Variants in DCUN1D4 observed in about 807,000 individuals in gnomAD.
DCUN1D4 encodes the protein defective in cullin neddylation 1 domain containing 4, also known as DCN1-like protein 4.
In DCUN1D4, 22 loss-of-function variants were observed where a neutral mutation model predicts 47.9. The observed-to-expected ratio is 0.46, with a 90% CI of 0.33 to 0.66. The LOEUF (loss-of-function observed/expected upper bound fraction) is 0.66. DCUN1D4 is among the 30% of genes least tolerant of loss of function. DCUN1D4 has a pLI of 0.02. For missense variants in DCUN1D4, 301 were observed against 340.8 expected (o/e 0.88, Z 0.92); for synonymous variants, 121 against 112.2 (o/e 1.08, Z -0.50).
chr4:51,844,966 A>G, intron 1 of DCUN1D4: 1 of 985,384 alleles, frequency 1.0e-6, no homozygotes, highest in Non-Finnish European at 1.2e-6. Flanking sequence ...GCGACTCCCC[A>G]GCCCTTCTCC....
chr4:51,863,222 T>A (rs1170579355), intron 1 of DCUN1D4, among the ~76,000 whole-genome samples: 1 of 152,198 alleles, frequency 6.6e-6, no homozygotes, highest in Non-Finnish European at 1.5e-5. Context: ...AGAATTCACA[T>A]GAAAATTTCA....
At chr4:51,888,873 G>A (rs1394079776) in intron 6 of DCUN1D4, among the ~76,000 whole-genome samples, 2 of 152,120 alleles carry the variant, frequency 1.3e-5, no homozygotes, top group South Asian at 4.1e-4. Flanking sequence ...TTGAGAGGCC[G>A]AGGTGGGTGG....
chr4:51,883,465 CAAAG>C (rs1729003267), intron 5 of DCUN1D4, among the ~76,000 whole-genome samples: 1 of 152,070 alleles, frequency 6.6e-6, no homozygotes, highest in African/African-American at 2.4e-5. Flanking sequence ...ACTCTCAAAC[CAAAG>C]AAAGCAGGCA....
upstream of DCUN1D4, among the ~76,000 whole-genome samples, chr4:51,840,157 A>T (rs1304005028): frequency 2.0e-5 from 3 of 152,042 alleles, no homozygotes; most frequent in East Asian, 1.9e-4. Flanking sequence ...TCAATTATTA[A>T]TTTTTTTCTC....
intron 3 of DCUN1D4, among the ~76,000 whole-genome samples, chr4:51,871,174 C>T (rs2109959635): frequency 6.8e-6 from 1 of 146,638 alleles, no homozygotes; most frequent in East Asian, 2.0e-4. Flanking sequence ...AGGAGATAAA[C>T]ATTTTAATAA....
intron 1 of DCUN1D4, among the ~76,000 whole-genome samples, chr4:51,861,086 T>C (rs1267620506): frequency 6.6e-6 from 1 of 152,196 alleles, no homozygotes; most frequent in Non-Finnish European, 1.5e-5. Context: ...CTAGACATTG[T>C]AATAGGTGTC....
intron 8 of DCUN1D4, among the ~76,000 whole-genome samples, chr4:51,905,704 C>T (rs1406932768): frequency 6.6e-6 from 1 of 152,058 alleles, no homozygotes. Flanking sequence ...TGGAGACAAG[C>T]TTGCTGGTTC....
At position 51,892,677 on chromosome 4, in the gene DCUN1D4, A is replaced by G. The variant is rs1487267511; in HGVS notation, c.506+826A>G. On this transcript the variant is annotated intron_variant, in intron 7 of 10. Transcript: ENST00000334635. ...GTGTATGCAATATGTGCGTGTGTGC[A>G]TGCGCCTGTGTGTTGTGTATTTGCT... Among the ~76,000 whole-genome samples the G allele has an allele frequency of 2.0e-5, 3 of 152,352 alleles. No homozygotes were observed. In the East Asian group the frequency reaches 5.8e-4, roughly 29 times the overall value.
At chr4:51,882,877 T>TCC (rs374734268) in intron 5 of DCUN1D4, among the ~76,000 whole-genome samples, 8 of 151,396 alleles carry the variant, frequency 5.3e-5, no homozygotes, top group African/African-American at 1.7e-4. Flanking sequence ...AAAGTAACTT[T>TCC]CCCCCCCGGC....
chr4:51,843,336 A>T, intron 1 of DCUN1D4, 69 bp downstream of exon 1: 1 of 1,468,006 alleles, frequency 6.8e-7, no homozygotes, highest in Non-Finnish European at 9.0e-7. Flanking sequence ...CGGCTCCCGC[A>T]GTCCCCGCCC....
intron 5 of DCUN1D4, among the ~76,000 whole-genome samples, chr4:51,882,353 C>A (rs1192808969): frequency 1.3e-5 from 2 of 152,116 alleles, no homozygotes; most frequent in East Asian, 3.9e-4. Flanking sequence ...TTATGGTGAA[C>A]ATTGACAGAA....
chr4:51,904,819 CTACTAGA>C (rs1732634452), intron 8 of DCUN1D4, among the ~76,000 whole-genome samples: 2 of 152,134 alleles, frequency 1.3e-5, no homozygotes, highest in African/African-American at 4.8e-5. Flanking sequence ...CTGTTTTTTC[CTACTAGA>C]AAAGTGGACT....
intron 1 of DCUN1D4, among the ~76,000 whole-genome samples, chr4:51,856,410 T>G (rs1724143931): frequency 1.3e-5 from 2 of 152,332 alleles, no homozygotes; most frequent in South Asian, 4.1e-4. Context: ...TACCATTATT[T>G]CCCTGGGGGA....
intron 8 of DCUN1D4, among the ~76,000 whole-genome samples, chr4:51,901,382 C>A (rs1475219094): frequency 3.9e-5 from 6 of 152,220 alleles, no homozygotes; most frequent in Admixed American, 3.9e-4. Context: ...CCTAGGCCTT[C>A]TGTCTCCAAG....
At chr4:51,848,430 T>C in intron 1 of DCUN1D4, 1 of 1,021,396 alleles carries the variant, frequency 9.8e-7, no homozygotes, top group South Asian at 3.1e-5. Context: ...ATATCCATAT[T>C]CTGGTCCTAA....
intron 1 of DCUN1D4, among the ~76,000 whole-genome samples, chr4:51,848,009 A>G (rs1031864569): frequency 1.3e-5 from 2 of 152,186 alleles, no homozygotes; most frequent in Non-Finnish European, 2.9e-5. Flanking sequence ...CCAAATATGT[A>G]TTGAATTGAA....
chr4:51,894,591 T>A (rs1472046611), intron 7 of DCUN1D4, among the ~76,000 whole-genome samples: 1 of 152,144 alleles, frequency 6.6e-6, no homozygotes, highest in Non-Finnish European at 1.5e-5. Context: ...AGTAACTAAA[T>A]AAGCATTGTA....
chr4:51,873,461 C>G (rs1445582372), intron 3 of DCUN1D4, among the ~76,000 whole-genome samples: 1 of 152,194 alleles, frequency 6.6e-6, no homozygotes, highest in Non-Finnish European at 1.5e-5. Context: ...TGCCCAGATT[C>G]GAATCCTGGC....
At chr4:51,847,480 T>C (rs1722729172) in intron 1 of DCUN1D4, among the ~76,000 whole-genome samples, 2 of 152,184 alleles carry the variant, frequency 1.3e-5, no homozygotes, top group South Asian at 4.1e-4. Flanking sequence ...TCTTATCCTC[T>C]TCTTCCCTGG....
Sources: gnomAD v4.1 joint callset for allele counts (sites outside exome capture counted in the v4.1 genomes callset) on GRCh38, gnomAD v4.1.1 for gene constraint, MANE v1.5 for transcripts, NCBI Gene and HGNC (gene_info 2026-07-23, HGNC 2026-07-21) for gene names.